DCDC2: variants seen among roughly 807,000 people sequenced by gnomAD.
The protein encoded by DCDC2 is doublecortin domain containing 2, also known as doublecortin domain-containing protein 2.
In DCDC2, 40 loss-of-function variants were observed where a neutral mutation model predicts 50.2. That is an observed-to-expected ratio of 0.80 (90% CI 0.62 to 1.04). The LOEUF (loss-of-function observed/expected upper bound fraction) is 1.04. Among genes scored for constraint, DCDC2 ranks in the 50% least tolerant of loss-of-function variants. DCDC2 has a pLI of 0.00. For missense variants in DCDC2, 570 were observed against 581.9 expected, an observed-to-expected ratio of 0.98 and a Z score of 0.21; for synonymous variants, 234 against 210.6, an observed-to-expected ratio of 1.11 and a Z score of -0.96.
intron 7 of DCDC2, among the ~76,000 whole-genome samples, chr6:24,212,196 C>T (rs1761887463): frequency 6.6e-6 from 1 of 152,162 alleles, no homozygotes; most frequent in African/African-American, 2.4e-5. Context: ...ATCCTGGAAC[C>T]ATCCCCCGAC....
chr6:24,318,667 T>C (rs574676839), intron 2 of DCDC2, among the ~76,000 whole-genome samples: 26 of 152,216 alleles, frequency 1.7e-4, no homozygotes, highest in Non-Finnish European at 2.6e-4. Flanking sequence ...TATGTCTTCC[T>C]GTGTCTGAGT....
chr6:24,217,217 G>C (rs1218835576), intron 7 of DCDC2, among the ~76,000 whole-genome samples: 2 of 151,874 alleles, frequency 1.3e-5, no homozygotes, highest in South Asian at 2.1e-4. Flanking sequence ...TAAGATAGAA[G>C]ACTGAAATCA....
intron 7 of DCDC2, among the ~76,000 whole-genome samples, chr6:24,220,248 GTAATTTCAT>G (rs1432441328): frequency 6.6e-6 from 1 of 152,140 alleles, no homozygotes; most frequent in Non-Finnish European, 1.5e-5. Flanking sequence ...TACCAATTGT[GTAATTTCAT>G]TAATTTCATG....
intron 8 of DCDC2, among the ~76,000 whole-genome samples, chr6:24,180,258 A>G (rs1761039554): frequency 6.6e-6 from 1 of 152,092 alleles, no homozygotes; most frequent in Non-Finnish European, 1.5e-5. Context: ...CTTCAATGCT[A>G]TCAATAAAAT....
At chr6:24,195,886 A>G (rs1761423459) in intron 8 of DCDC2, among the ~76,000 whole-genome samples, 2 of 152,194 alleles carry the variant, frequency 1.3e-5, no homozygotes, top group African/African-American at 4.8e-5. Context: ...ATCACAACAG[A>G]CCCATGGAGA....
At chr6:24,209,853 C>T (rs1375571225) in intron 7 of DCDC2, among the ~76,000 whole-genome samples, 1 of 152,158 alleles carries the variant, frequency 6.6e-6, no homozygotes, top group Non-Finnish European at 1.5e-5. Flanking sequence ...TGTCTAGAGT[C>T]ACGGTCTCAT....
chr6:24,296,749 A>C (rs1392757474), intron 4 of DCDC2, among the ~76,000 whole-genome samples: 1 of 152,264 alleles, frequency 6.6e-6, no homozygotes, highest in Non-Finnish European at 1.5e-5. Flanking sequence ...AATGCAAACA[A>C]AAAGCACAAT....
At chr6:24,372,569 T>C in the DCDC2 span, among the ~76,000 whole-genome samples, 4 of 152,160 alleles carry the variant, frequency 2.6e-5, no homozygotes, top group African/African-American at 9.7e-5. Context: ...ATATACACCA[T>C]GGAATACTGT....
At chr6:24,182,455 T>C (rs1761095136) in intron 8 of DCDC2, among the ~76,000 whole-genome samples, 2 of 151,556 alleles carry the variant, frequency 1.3e-5, no homozygotes, top group Non-Finnish European at 2.9e-5. Context: ...CACCTAAAAC[T>C]CAACAACAAA....
At chr6:24,379,266 G>A in the DCDC2 span, among the ~76,000 whole-genome samples, 1 of 152,038 alleles carries the variant, frequency 6.6e-6, no homozygotes, top group Non-Finnish European at 1.5e-5. Flanking sequence ...TACAGAATGC[G>A]AGAAAATTTT....
chr6:24,231,140 G>A (rs897584531), intron 7 of DCDC2, among the ~76,000 whole-genome samples: 1 of 152,230 alleles, frequency 6.6e-6, no homozygotes. Flanking sequence ...GTTGCTGGGT[G>A]CCAGGTCCCT....
intron 7 of DCDC2, among the ~76,000 whole-genome samples, chr6:24,268,684 G>T (rs1022038338): frequency 6.6e-6 from 1 of 152,042 alleles, no homozygotes; most frequent in African/African-American, 2.4e-5. Context: ...CAATTCTCAT[G>T]CCTTAGCCTC....
At chr6:24,209,048 C>G (rs115501309) in intron 7 of DCDC2, among the ~76,000 whole-genome samples, 4,010 of 152,218 alleles carry the variant, frequency 0.026, 89 homozygotes, top group African/African-American at 0.058. Flanking sequence ...GAATTGCCAA[C>G]AAGGCCAAAA....
intron 7 of DCDC2, among the ~76,000 whole-genome samples, chr6:24,254,123 T>C (rs1701701035): frequency 6.6e-6 from 1 of 152,138 alleles, no homozygotes; most frequent in Non-Finnish European, 1.5e-5. Context: ...GGCTGGATCA[T>C]CAACATCACT....
At chr6:24,265,156 A>G (rs1296160864) in intron 7 of DCDC2, among the ~76,000 whole-genome samples, 1 of 152,086 alleles carries the variant, frequency 6.6e-6, no homozygotes, top group Non-Finnish European at 1.5e-5. Flanking sequence ...AGAAAAAAAG[A>G]AAACTATAAA....
Position 24,174,752 on chromosome 6 carries a change from T to G in DCDC2, c.1409A>C (p.Lys470Thr). ...PEENENNQQN[K>T]DYAAVA ...GTTCTAAGCCACGGCAGCATAGTCCTTGTTTTGTTGGTTGTTTTCATTTTC... is the reference window on the plus strand; with the variant it reads ...GTTCTAAGCCACGGCAGCATAGTCCGTGTTTTGTTGGTTGTTTTCATTTTC... The change falls in exon 10 of 10, where the codon AAG becomes ACG. Residue 470 changes from lysine to threonine, a missense_variant. Transcript: ENST00000378454. 1 of 1,613,582 alleles carries G rather than the reference T, an allele frequency of 6.2e-7. No individual in the cohort carries two copies. The highest frequency in any genetic ancestry group is 8.5e-7 in the Non-Finnish European group (1 of 1,179,656).
At chr6:24,214,832 T>C (rs1265676662) in intron 7 of DCDC2, among the ~76,000 whole-genome samples, 1 of 152,234 alleles carries the variant, frequency 6.6e-6, no homozygotes, top group Admixed American at 6.5e-5. Flanking sequence ...ACGCTAGATT[T>C]ATCATCATAA....
At chr6:24,305,796 G>GC (rs201483080) in intron 2 of DCDC2, among the ~76,000 whole-genome samples, 9 of 152,038 alleles carry the variant, frequency 5.9e-5, no homozygotes, top group African/African-American at 1.2e-4. Flanking sequence ...GGAGGCCAAG[G>GC]GGGGGTGGAT....
the DCDC2 span, among the ~76,000 whole-genome samples, chr6:24,364,827 G>A: frequency 2.0e-5 from 3 of 152,082 alleles, no homozygotes; most frequent in Non-Finnish European, 4.4e-5. Context: ...ACGTGCAGAG[G>A]TGTGCACCTA....
Sources: allele counts gnomAD v4.1 joint callset (sites outside exome capture counted in the v4.1 genomes callset), GRCh38; gene constraint gnomAD v4.1.1; transcripts MANE v1.5; gene names NCBI Gene and HGNC (gene_info 2026-07-23, HGNC 2026-07-21).